Variants in PKD1 observed in about 807,000 individuals in gnomAD.
PKD1 encodes polycystin 1, transient receptor potential channel interacting.
In PKD1, 81 loss-of-function variants were observed where a neutral mutation model predicts 361.7. The observed-to-expected ratio is 0.22, with a 90% CI of 0.19 to 0.27. PKD1 has a LOEUF of 0.27. Among genes scored for constraint, PKD1 ranks in the 10% least tolerant of loss-of-function variants. The pLI is 1.00. For synonymous variants in PKD1, 3,615 were observed against 2,818.3 expected (o/e 1.28, Z -8.95); for missense variants, 6,399 against 6,118.3 (o/e 1.05, Z -1.53).
chr16:2,111,832 T>C lies in PKD1; in HGVS notation c.3335A>G (p.Glu1112Gly), dbSNP rs2092514765. The C allele has an allele frequency of 6.2e-7, 1 of 1,610,266 alleles. No individual in the cohort carries two copies. Among genetic ancestry groups the C allele is most frequent in the South Asian group, 1.1e-5 (1 of 90,980 alleles). The change falls in exon 15 of 46, where the codon GAG becomes GGG. Residue 1112 changes from glutamate (E) to glycine (G), a missense_variant. Coordinates refer to ENST00000262304, the MANE Select transcript of PKD1 (RefSeq NM_001009944.3). ...CACAGGCACCTGCTGCGTCAGGTTC[T>C]CGAAGGCATTAGATGCCAGCACGGT... Reference protein sequence around the residue: ...LLTVLASNAFENLTQQVPVSV... With the variant: ...LLTVLASNAFGNLTQQVPVSV...
At chr16:2,112,256 G>A in intron 14 of PKD1, 84 bp downstream of exon 14, 1 of 1,208,326 alleles carries the variant, frequency 8.3e-7, no homozygotes, top group Non-Finnish European at 1.2e-6. Flanking sequence ...TGGGGAGGAA[G>A]GGGGGCAGCT....
chr16:2,129,409 T>C (rs2092840140), intron 1 of PKD1, among the ~76,000 whole-genome samples: 1 of 151,926 alleles, frequency 6.6e-6, no homozygotes, highest in Admixed American at 6.6e-5. Flanking sequence ...ATTACAGGCG[T>C]GAGGCACCGC....
chr16:2,091,179 G>C lies in PKD1; in HGVS notation c.11713-5C>G, dbSNP rs778989685. On this transcript the variant is annotated splice_polypyrimidine_tract_variant and splice_region_variant and intron_variant, in intron 42 of 45. Coordinates refer to ENST00000262304, the MANE Select transcript of PKD1 (RefSeq NM_001009944.3). ...GGCGAACAGCAGCAGGCACACCTGT[G>C]GGGGGCGCGGTCAGGAGGGCGGGAG... is the stretch of plus-strand genomic sequence containing the variant. 1.3e-5 allele frequency: 18 copies of C among 1,404,464 alleles called. No homozygotes were observed. Among genetic ancestry groups the C allele is most frequent in the South Asian group, 4.4e-5 (3 of 68,338 alleles). 87.0% of individuals were successfully genotyped at this position (1,404,464 alleles called of 1,614,324 possible).
intron 41 of PKD1, 46 bp from the exon 42 acceptor site, chr16:2,091,643 G>C (rs1276379731): frequency 6.4e-7 from 1 of 1,557,276 alleles, no homozygotes; most frequent in Non-Finnish European, 8.6e-7. Flanking sequence ...CAGGGCGGGA[G>C]CTGCGGGGAC....
intron 24 of PKD1, 73 bp from the exon 25 acceptor site, chr16:2,102,706 C>A (rs573002496): frequency 2.5e-6 from 4 of 1,607,704 alleles, no homozygotes; most frequent in South Asian, 2.2e-5. Flanking sequence ...AGAGCCCATA[C>A]CCGGTCCAGT....
In PKD1 at chr16:2,090,127, A is replaced by C; in HGVS notation, c.12512T>G (p.Val4171Gly). 6.3e-7 allele frequency: 1 copy of C among 1,598,454 alleles called. No homozygotes were observed. The highest frequency in any genetic ancestry group is 8.5e-7 in the Non-Finnish European group (1 of 1,171,000). The change falls in exon 46 of 46, where the codon GTA (valine) becomes GGA (glycine). Residue 4171 changes from valine to glycine, a missense_variant. Coordinates refer to ENST00000262304, the MANE Select transcript of PKD1 (RefSeq NM_001009944.3). ...GCTGGGTGGGGGCACATCCGGGGAT[A>C]CCTTGGAGCCCCTGGAGGAGCGAGA... ...LPSRSSRGSKVSPDVPPPSAG... is the reference protein window; with the variant it reads ...LPSRSSRGSKGSPDVPPPSAG...
chr16:2,111,944 C>T (rs951084770), intron 14 of PKD1, 73 bp from the exon 15 acceptor site: 171 of 1,523,280 alleles, frequency 1.1e-4, no homozygotes, highest in Non-Finnish European at 1.1e-4. Flanking sequence ...AGAAGCCCCC[C>T]GCCTGAGGAG....
At position 2,107,925 on chromosome 16, in the gene PKD1, G is replaced by T. The variant is rs555685116; in HGVS notation, c.7023C>A (p.Thr2341=). The change falls in exon 16 of 46, where the codon ACC becomes ACA. Residue 2341 remains threonine (T), a synonymous_variant. Transcript: ENST00000262304. ...AAGVEYTFSL[T]VWKAGRKEEA... is the part of the protein sequence containing the mutation. Reference sequence around the variant, plus strand: ...CCTCCTTGCGGCCGGCCTTCCACACGGTCAGGCTGAAGGTGTACTCCACGC... The same window carrying T: ...CCTCCTTGCGGCCGGCCTTCCACACTGTCAGGCTGAAGGTGTACTCCACGC... 3 of 1,545,880 alleles carry T rather than the reference G, an allele frequency of 1.9e-6. No individual in the cohort carries two copies. The highest frequency in any genetic ancestry group is 2.3e-4 in the Middle Eastern group (1 of 4,382).
Position 2,117,826 on chromosome 16 carries a change from T to TA in PKD1, c.1165dup (p.Tyr389LeufsTer130). On this transcript the variant is annotated frameshift_variant, in exon 5 of 46. Coordinates refer to ENST00000262304, the MANE Select transcript of PKD1 (RefSeq NM_001009944.3). LOFTEE classifies it high-confidence loss of function. Reference sequence around the variant, plus strand: ...CTCCTCGCCCAGGGCCACGATGCTGTAGGCGGCCTCCAGGCCTGAACCACC... The same window carrying TA: ...CTCCTCGCCCAGGGCCACGATGCTGTAAGGCGGCCTCCAGGCCTGAACCACC... The TA allele has an allele frequency of 7.8e-7, 1 of 1,280,592 alleles. No homozygotes were observed. The highest frequency in any genetic ancestry group is 1.1e-6 in the Non-Finnish European group (1 of 908,276). 79.3% of individuals were successfully genotyped at this position (1,280,592 alleles called of 1,614,324 possible).
Position 2,092,565 on chromosome 16 carries a change from G to A in PKD1, c.11184C>T (p.Ala3728=), listed in dbSNP as rs757906940. The A allele has an allele frequency of 3.7e-6, 6 of 1,611,894 alleles. No homozygotes were observed. The highest frequency in any genetic ancestry group is 5.1e-6 in the Non-Finnish European group (6 of 1,179,446). ...CGTGGACGTAGGGCAGCAGCACGTG[G>A]GCCATCCATGGCCAGAGCTCCTCAG... ...TRSEELWPWM[A]HVLLPYVHGN... Residue 3728 remains alanine, a synonymous_variant, in exon 39 of 46, where the codon GCC becomes GCT. Transcript: ENST00000262304.
intron 26 of PKD1, among the ~76,000 whole-genome samples, chr16:2,101,062 T>G (rs1019930481): frequency 6.6e-6 from 1 of 151,994 alleles, no homozygotes; most frequent in Non-Finnish European, 1.5e-5. Flanking sequence ...CTCAGCTCAC[T>G]GCAAGCTCCG....
In PKD1 at chr16:2,100,690, G is replaced by T; in HGVS notation, c.9398-124C>A. On this transcript the variant is annotated intron_variant, in intron 26 of 45. Coordinates refer to ENST00000262304, the MANE Select transcript of PKD1 (RefSeq NM_001009944.3). The surrounding 1 kb of genome is among the most constrained non-coding windows in gnomAD (Gnocchi z 4.4). ...GAGCCACACAGGCAGTCCCGGCTTTGCACGGCTCTGCCATACACAAGGAGC... is the reference window on the plus strand; with the variant it reads ...GAGCCACACAGGCAGTCCCGGCTTTTCACGGCTCTGCCATACACAAGGAGC... The T allele has an allele frequency of 2.6e-6, 2 of 775,080 alleles. No individual in the cohort carries two copies. Among genetic ancestry groups the T allele is most frequent in the South Asian group, 1.6e-5 (1 of 63,370 alleles). The allele number at this position is 775,080 out of a possible 1,614,324, so 48.0% of individuals were successfully genotyped here. A position where few individuals can be genotyped will look rare whatever the true frequency, so the allele number is the denominator to read the frequency against.
chr16:2,101,344 C>G (rs537016365), intron 26 of PKD1, among the ~76,000 whole-genome samples: 122 of 143,512 alleles, frequency 8.5e-4, no homozygotes, highest in Admixed American at 3.4e-3. Flanking sequence ...GAAAGCAGCA[C>G]AGAGATAAAA....
Position 2,090,578 on chromosome 16 carries a change from A to G in PKD1, c.12151T>C (p.Cys4051Arg). Residue 4051 changes from cysteine to arginine, a missense_variant, in exon 45 of 46, where the codon TGT (cysteine) becomes CGT (arginine). Coordinates refer to ENST00000262304, the MANE Select transcript of PKD1 (RefSeq NM_001009944.3). ...AQLAILLVSS[C>R]VDSLWSVAQA... ...GCCACGCTCCAGAGGGAGTCCACAC[A>G]GGAAGACACGAGCTGCGGGGAAGGC... is the stretch of plus-strand genomic sequence containing the variant. 6.2e-7 allele frequency: 1 copy of G among 1,608,970 alleles called. No individual in the cohort carries two copies. The highest frequency in any genetic ancestry group is 1.3e-5 in the African/African-American group (1 of 75,030).
intron 41 of PKD1, 32 bp downstream of exon 41, chr16:2,091,749 A>ACCC (rs1304090155): frequency 6.2e-7 from 1 of 1,607,028 alleles, no homozygotes; most frequent in East Asian, 2.2e-5. Flanking sequence ...GACTGCGGCC[A>ACCC]CCCCGGAGAG....
chr16:2,105,009 G>C (rs2092285681), intron 21 of PKD1, among the ~76,000 whole-genome samples: 1 of 113,726 alleles, frequency 8.8e-6, no homozygotes, highest in Admixed American at 8.3e-5. Flanking sequence ...GAGGGGAGGA[G>C]GGGAGGGGCT....
rs2092470008 is a variant in PKD1, at chr16:2,110,340, G to A, written c.4827C>T (p.Ile1609=). The A allele has an allele frequency of 2.5e-6, 4 of 1,612,656 alleles. No homozygotes were observed. Among genetic ancestry groups the A allele is most frequent in the African/African-American group, 1.3e-5 (1 of 75,050 alleles). Residue 1609 remains isoleucine, a synonymous_variant, in exon 15 of 46, where the codon ATC becomes ATT. Coordinates refer to ENST00000262304, the MANE Select transcript of PKD1 (RefSeq NM_001009944.3). ...CCACCTCGTTCTCAGCCGTGACGAT[G>A]ATATTGAAGGTGCCCACGGAGCGGA... The part of the protein sequence containing the change: ...YTFRSVGTFN[I]IVTAENEVGS...
chr16:2,094,046 G>T, intron 35 of PKD1, 33 bp from the exon 36 acceptor site: 1 of 1,585,088 alleles, frequency 6.3e-7, no homozygotes, highest in Non-Finnish European at 8.6e-7. Flanking sequence ...GTGAGAGGCA[G>T]CTCACAGGGA....
rs558291364 is a variant in PKD1 at position 2,102,404 on chromosome 16, T to C, written c.9178A>G (p.Ser3060Gly). The part of the protein sequence containing the change: ...AFGASLFVPP[S>G]HVRFVFPEPT... ...ACAGGAAACACAAAGCGGACATGGC[T>C]TGGGGGCACGAAGAGGCTGGCGCCG... The change falls in exon 25 of 46, where the codon AGC becomes GGC. Residue 3060 changes from serine to glycine, a missense_variant. Physicochemically the swap from Ser to Gly is moderately conservative, Grantham distance 56. Transcript: ENST00000262304. The C allele has an allele frequency of 3.1e-5, 49 of 1,557,866 alleles. No individual in the cohort carries two copies. The highest frequency in any genetic ancestry group is 4.1e-5 in the Non-Finnish European group (47 of 1,151,964).
Sources: allele counts gnomAD v4.1 joint callset (sites outside exome capture counted in the v4.1 genomes callset), GRCh38; gene constraint gnomAD v4.1.1; non-coding constraint Gnocchi (gnomAD v3.1); transcripts MANE v1.5; gene names NCBI Gene and HGNC (gene_info 2026-07-23, HGNC 2026-07-21).